Variants in C4orf51 observed in about 807,000 individuals in gnomAD.
C4orf51 encodes the protein uncharacterized protein C4orf51.
A neutral mutation model predicts 25.2 loss-of-function variants in C4orf51; 25 were observed. The ratio of observed to expected loss-of-function variants is 0.99; its 90% CI spans 0.72 to 1.39. C4orf51 has a LOEUF of 1.39. Among genes scored for constraint, C4orf51 ranks in the 40% most tolerant of loss-of-function variants. The pLI is 0.00. For synonymous variants in C4orf51, 100 were observed against 84.5 expected (o/e 1.18, Z -1.01); for missense variants, 252 against 239.6 (o/e 1.05, Z -0.34).
chr4:145,733,832 C>A (rs1732649222), downstream of C4orf51, among the ~76,000 whole-genome samples: 1 of 152,130 alleles, frequency 6.6e-6, no homozygotes, highest in South Asian at 2.1e-4. Flanking sequence ...GGAGTTTTGC[C>A]CTGGCCAGCC....
intron 1 of C4orf51, among the ~76,000 whole-genome samples, chr4:145,749,968 A>G (rs1476047233): frequency 6.6e-6 from 1 of 152,116 alleles, no homozygotes; most frequent in Non-Finnish European, 1.5e-5. Flanking sequence ...ACAACTTAAC[A>G]CTGTTAGCCT....
At chr4:145,779,423 T>C in the C4orf51 span, 1 of 1,614,130 alleles carries the variant, frequency 6.2e-7, no homozygotes, top group Admixed American at 1.7e-5. Flanking sequence ...GGCCAAACAC[T>C]TTCCCACACA....
chr4:145,708,665 C>G (rs913641184), intron 2 of C4orf51, among the ~76,000 whole-genome samples: 5 of 152,152 alleles, frequency 3.3e-5, no homozygotes, highest in African/African-American at 1.2e-4. Flanking sequence ...CAGAATGAAC[C>G]AGTCTTACCA....
At chr4:145,681,836 T>C (rs573116821) in intron 1 of C4orf51, among the ~76,000 whole-genome samples, 1 of 152,342 alleles carries the variant, frequency 6.6e-6, no homozygotes, top group East Asian at 1.9e-4. Flanking sequence ...TCCACACTTA[T>C]GACCTAGTCA....
chr4:145,786,408 AATAACTGTTCAG>A, the C4orf51 span, among the ~76,000 whole-genome samples: 2 of 152,220 alleles, frequency 1.3e-5, no homozygotes, highest in African/African-American at 4.8e-5. Context: ...TCAATGCATA[AATAACTGTTCAG>A]ATCAACTAAA....
At chr4:145,699,241 G>GT (rs1307774069) in intron 2 of C4orf51, among the ~76,000 whole-genome samples, 1 of 144,810 alleles carries the variant, frequency 6.9e-6, no homozygotes, top group African/African-American at 2.6e-5. Context: ...CACAAAGCCT[G>GT]TTTGGTGGTC....
intron 2 of C4orf51, among the ~76,000 whole-genome samples, chr4:145,719,137 T>G (rs1413377342): frequency 6.6e-6 from 1 of 152,194 alleles, no homozygotes; most frequent in African/African-American, 2.4e-5. Flanking sequence ...GCACAGGGCA[T>G]CACACAGAGC....
chr4:145,729,677 C>T (rs1015429660), intron 4 of C4orf51, among the ~76,000 whole-genome samples: 3 of 152,150 alleles, frequency 2.0e-5, no homozygotes, highest in Non-Finnish European at 2.9e-5. Flanking sequence ...ATCATTTTAT[C>T]TCTCCTAACA....
chr4:145,698,675 C>T (rs941662575), intron 2 of C4orf51, among the ~76,000 whole-genome samples: 3 of 152,128 alleles, frequency 2.0e-5, no homozygotes, highest in Non-Finnish European at 4.4e-5. Context: ...GCATGTCTGA[C>T]CCCCACTTCC....
downstream of C4orf51, among the ~76,000 whole-genome samples, chr4:145,754,975 A>G (rs953895508): frequency 3.3e-5 from 5 of 152,062 alleles, no homozygotes; most frequent in African/African-American, 1.2e-4. Context: ...AGATCTCCCA[A>G]CCTTTGAAGT....
At position 145,761,337 on chromosome 4, in the gene C4orf51, G is replaced by A; in HGVS notation, n.167-9651G>A. The A allele has an allele frequency of 4.7e-6, 6 of 1,289,984 alleles. No homozygotes were observed. Among genetic ancestry groups the A allele is most frequent in the Non-Finnish European group, 6.1e-6 (6 of 988,898 alleles). The allele number at this position is 1,289,984 out of a possible 1,614,324, so 79.9% of individuals were successfully genotyped here. The stretch of plus-strand genomic sequence containing the variant: ...TGTCCTTGCGCTTGCAGCTGTAGCT[G>A]CACTGGTCACAGTGGAAGGGCCGCT... On this transcript the variant is annotated intron_variant and non_coding_transcript_variant, in intron 1 of 1. Coordinates refer to the C4orf51 transcript ENST00000510096. This position sits in a 1 kb window ranked among gnomAD's most constrained non-coding sequence, Gnocchi z 6.8.
At chr4:145,719,545 C>T (rs568926065) in intron 2 of C4orf51, among the ~76,000 whole-genome samples, 6 of 148,578 alleles carry the variant, frequency 4.0e-5, no homozygotes, top group South Asian at 2.2e-4. Context: ...GCAGAGATTG[C>T]GCCACTGCAC....
At chr4:145,751,246 T>C (rs1733657994) in intron 1 of C4orf51, among the ~76,000 whole-genome samples, 1 of 152,170 alleles carries the variant, frequency 6.6e-6, no homozygotes, top group South Asian at 2.1e-4. Flanking sequence ...GTATTTATTT[T>C]AGTCTTTGTA....
intron 2 of C4orf51, among the ~76,000 whole-genome samples, chr4:145,699,890 C>G (rs113135969): frequency 1.3e-5 from 2 of 151,900 alleles, no homozygotes; most frequent in East Asian, 2.0e-4. Context: ...ACCCCTCAAC[C>G]CCTTCTCCTT....
chr4:145,791,664 G>C, the C4orf51 span, among the ~76,000 whole-genome samples: 1 of 151,980 alleles, frequency 6.6e-6, no homozygotes, highest in Non-Finnish European at 1.5e-5. Context: ...AGAAAACTTT[G>C]GATTTAGGTA....
chr4:145,726,368 AG>A (rs1732056550), intron 2 of C4orf51, among the ~76,000 whole-genome samples: 1 of 152,190 alleles, frequency 6.6e-6, no homozygotes, highest in Non-Finnish European at 1.5e-5. Context: ...AATTTTCCAG[AG>A]ATATTTCAAA....
chr4:145,773,660 A>G (rs911913845), downstream of C4orf51, among the ~76,000 whole-genome samples: 1 of 152,252 alleles, frequency 6.6e-6, no homozygotes, highest in Non-Finnish European at 1.5e-5. Flanking sequence ...GAATGTTAAC[A>G]TCAATAAATG....
At chr4:145,744,066 G>A (rs979114591) in intron 1 of C4orf51, among the ~76,000 whole-genome samples, 1 of 152,142 alleles carries the variant, frequency 6.6e-6, no homozygotes, top group African/African-American at 2.4e-5. Context: ...CCTTAAAGCT[G>A]GGAAATGTAT....
intron 2 of C4orf51, among the ~76,000 whole-genome samples, chr4:145,717,693 G>A (rs4835250): frequency 0.12 from 18,711 of 152,158 alleles, 1,479 homozygotes; most frequent in African/African-American, 0.22. Context: ...ATAGGAGAAA[G>A]GTTCTCAAAT....
Sources: gnomAD v4.1 joint callset for allele counts (sites outside exome capture counted in the v4.1 genomes callset) on GRCh38, gnomAD v4.1.1 for gene constraint, Gnocchi (gnomAD v3.1) non-coding constraint, MANE v1.5 for transcripts, NCBI Gene and HGNC (gene_info 2026-07-23, HGNC 2026-07-21) for gene names.